Variants in TULP4 observed in about 807,000 individuals in gnomAD.
TULP4 encodes tubby-related protein 4.
Under a neutral mutation model 129.0 loss-of-function variants are expected in TULP4, and 16 were observed. The ratio of observed to expected loss-of-function variants is 0.12; its 90% confidence interval spans 0.08 to 0.19. TULP4 has a LOEUF of 0.19. TULP4 is among the 10% of genes least tolerant of loss of function. The pLI is 1.00. For synonymous variants in TULP4, 998 were observed against 854.0 expected, an observed-to-expected ratio of 1.17 and a Z score of -2.94; for missense variants, 1,842 against 2,059.1, an observed-to-expected ratio of 0.89 and a Z score of 2.04.
At chr6:158,280,954 A>G (rs993602194), upstream of TULP4, among the ~76,000 whole-genome samples, 1 of 152,218 alleles carries the variant, frequency 6.6e-6, no homozygotes, top group Non-Finnish European at 1.5e-5. Flanking sequence ...TTAAAAAGAA[A>G]TGAATAGCAG....
intron 1 of TULP4, among the ~76,000 whole-genome samples, chr6:158,378,485 T>TTTTTTTGTTTTG (rs1554285635): frequency 1.9e-5 from 1 of 51,288 alleles, no homozygotes; most frequent in Non-Finnish European, 3.9e-5. Flanking sequence ...TTTTTTTTTT[T>TTTTTTTGTTTTG]GGTGGGGGTG....
At position 158,260,343 on chromosome 6, in the gene TULP4, C is replaced by A. The variant is rs369261736; in HGVS notation, n.68+28040C>A. 2.6e-5 allele frequency among the ~76,000 whole-genome samples: 4 copies of A among 152,134 alleles called. 1 individual carries two copies. In the South Asian group the frequency reaches 8.3e-4, roughly 31 times the overall value. On this transcript the variant is annotated intron_variant and non_coding_transcript_variant, in intron 1 of 1. Transcript: ENST00000620026. ...GATTTAGATAAAACTTGGGTTCTTG[C>A]AGGAAGTTTCTGAGGATATTAAGAT...
intron 1 of TULP4, among the ~76,000 whole-genome samples, chr6:158,336,460 T>C (rs1294289375): frequency 6.6e-6 from 1 of 152,210 alleles, no homozygotes. Context: ...CAGTCTCTTA[T>C]TGCGCTGGAT....
intron 1 of TULP4, among the ~76,000 whole-genome samples, chr6:158,274,634 G>C (rs556059940): frequency 6.6e-6 from 1 of 152,222 alleles, no homozygotes; most frequent in Non-Finnish European, 1.5e-5. Context: ...AAAATCAGCC[G>C]GGTGTGGTGG....
At chr6:158,341,520 T>C (rs1367021248) in intron 1 of TULP4, among the ~76,000 whole-genome samples, 1 of 152,210 alleles carries the variant, frequency 6.6e-6, no homozygotes, top group Non-Finnish European at 1.5e-5. Flanking sequence ...ATACTAAACG[T>C]TCCGTCCAAC....
intron 8 of TULP4, among the ~76,000 whole-genome samples, chr6:158,488,182 T>C (rs192523149): frequency 6.6e-6 from 1 of 152,128 alleles, no homozygotes; most frequent in Non-Finnish European, 1.5e-5. Context: ...CTGGCATTGA[T>C]GAGTGAGTCA....
chr6:158,445,662 C>A (rs1444336535), intron 3 of TULP4, among the ~76,000 whole-genome samples: 1 of 152,134 alleles, frequency 6.6e-6, no homozygotes, highest in African/African-American at 2.4e-5. Flanking sequence ...TGAGCACCTG[C>A]CATGAACCAG....
intron 1 of TULP4, among the ~76,000 whole-genome samples, chr6:158,234,563 G>A (rs909643458): frequency 4.6e-5 from 7 of 152,190 alleles, no homozygotes; most frequent in African/African-American, 1.7e-4. Context: ...ACAATCTCCT[G>A]GAGAGAGTGA....
At chr6:158,280,515 T>C (rs1382138569), upstream of TULP4, among the ~76,000 whole-genome samples, 1 of 152,268 alleles carries the variant, frequency 6.6e-6, no homozygotes, top group African/African-American at 2.4e-5. Context: ...AAGTGCCTCA[T>C]GCCAAAGGAG....
In TULP4 at chr6:158,493,740, C is replaced by A; in HGVS notation, c.1776+23C>A. ...CAGGTAGGAGCCCCCAGTTACCCTG[C>A]CTTGCTCCCCTCCTCCTGGGGGCTA... On this transcript the variant is annotated intron_variant, in intron 10 of 13. Transcript: ENST00000367097. The surrounding 1 kb of genome is among the most constrained non-coding windows in gnomAD (Gnocchi z 4.4). The A allele has an allele frequency of 2.6e-6, 4 of 1,520,650 alleles. No homozygotes were observed. The highest frequency in any genetic ancestry group is 3.5e-6 in the Non-Finnish European group (4 of 1,132,918). The allele number at this position is 1,520,650 out of a possible 1,614,324, so 94.2% of individuals were successfully genotyped here. A position where few individuals can be genotyped will look rare whatever the true frequency, so the allele number is the denominator to read the frequency against.
intron 5 of TULP4, among the ~76,000 whole-genome samples, chr6:158,459,386 C>T (rs541361732): frequency 2.8e-4 from 43 of 151,730 alleles, no homozygotes; most frequent in Middle Eastern, 6.8e-3. Context: ...GCCGAGATCG[C>T]GCCATTGTAC....
At chr6:158,463,867 C>G (rs978475792) in intron 6 of TULP4, among the ~76,000 whole-genome samples, 10 of 151,898 alleles carry the variant, frequency 6.6e-5, no homozygotes, top group Admixed American at 2.6e-4. Context: ...ATCGTCTTAA[C>G]CATTTTTAAG....
rs111388122 is a variant in TULP4 at position 158,479,552 on chromosome 6, C to T, written c.1027-199C>T. Among the ~76,000 whole-genome samples, 74 of 152,290 alleles carry T rather than the reference C, an allele frequency of 4.9e-4. 1 individual carries two copies. Among genetic ancestry groups the T allele is most frequent in the African/African-American group, 1.8e-3 (73 of 41,566 alleles). ...TGCTGAGATGACAGCCTTATGCCAC[C>T]ATGCCCAGCCCTCTAGCCAATTTTC... On this transcript the variant is annotated intron_variant, in intron 6 of 13. Coordinates refer to ENST00000367097, the MANE Select transcript of TULP4 (RefSeq NM_020245.5).
chr6:158,500,842 A>G (rs1270920488), intron 12 of TULP4, among the ~76,000 whole-genome samples: 1 of 152,234 alleles, frequency 6.6e-6, no homozygotes, highest in Non-Finnish European at 1.5e-5. Flanking sequence ...AGGTGGGTGG[A>G]TCACCTGAGG....
At chr6:158,496,740 T>A (rs1039873756) in intron 11 of TULP4, among the ~76,000 whole-genome samples, 1 of 152,168 alleles carries the variant, frequency 6.6e-6, no homozygotes, top group African/African-American at 2.4e-5. Context: ...AAGTGAGAAT[T>A]TACTAAATGG....
At position 158,501,974 on chromosome 6, in the gene TULP4, C is replaced by A. The variant is rs1291063349; in HGVS notation, c.2311C>A (p.Pro771Thr). The change falls in exon 13 of 14, where the codon CCT becomes ACT. Residue 771 changes from proline to threonine, a missense_variant. By Grantham distance (38) the Pro-to-Thr change is conservative. Coordinates refer to ENST00000367097, the MANE Select transcript of TULP4 (RefSeq NM_020245.5). ...VEMGRIIQNP[P>T]PLSLPPPPQG... ...AATGGGCCGCATCATTCAGAACCCC[C>A]CTCCACTGTCCCTGCCTCCCCCGCC... is the stretch of plus-strand genomic sequence containing the variant. 1 of 1,613,680 alleles carries A rather than the reference C, an allele frequency of 6.2e-7. No homozygotes were observed. Among genetic ancestry groups the A allele is most frequent in the Non-Finnish European group, 8.5e-7 (1 of 1,179,960 alleles).
rs535683021 is a variant in TULP4 at position 158,253,757 on chromosome 6, G to A, written n.68+21454G>A. Among the ~76,000 whole-genome samples, 26 of 152,238 alleles carry A rather than the reference G, an allele frequency of 1.7e-4. 1 individual carries two copies. In the South Asian group the frequency reaches 3.7e-3, roughly 22 times the overall value. ...TTCCATATAGAAGACAGAATGTGCC[G>A]AGCATGGTGGCTCATGCCTTTAATC... On this transcript the variant is annotated intron_variant and non_coding_transcript_variant, in intron 1 of 1. Coordinates refer to the TULP4 transcript ENST00000620026.
chr6:158,279,256 G>A (rs185008951), upstream of TULP4, among the ~76,000 whole-genome samples: 216 of 152,186 alleles, frequency 1.4e-3, 1 homozygote, highest in African/African-American at 4.6e-3. Context: ...TATAGTTTTT[G>A]AAAATGTAGA....
At position 158,461,315 on chromosome 6, in the gene TULP4, G is replaced by A. The variant is rs548108189; in HGVS notation, c.860-248G>A. Among the ~76,000 whole-genome samples, 23 of 152,052 alleles carry A rather than the reference G, an allele frequency of 1.5e-4. No homozygotes were observed. In the East Asian group the frequency reaches 4.1e-3, roughly 27 times the overall value. On this transcript the variant is annotated intron_variant, in intron 5 of 13. Coordinates refer to ENST00000367097, the MANE Select transcript of TULP4 (RefSeq NM_020245.5). Reference sequence around the variant, plus strand: ...AGTCCCAGCTACTCGGGAGGCTGAGGCAGGAGAATCGCTTGAACCCAGGAG... The same window carrying A: ...AGTCCCAGCTACTCGGGAGGCTGAGACAGGAGAATCGCTTGAACCCAGGAG...
Sources: gnomAD v4.1 joint callset for allele counts (sites outside exome capture counted in the v4.1 genomes callset) on GRCh38, gnomAD v4.1.1 for gene constraint, Gnocchi (gnomAD v3.1) non-coding constraint, MANE v1.5 for transcripts, NCBI Gene and HGNC (gene_info 2026-07-23, HGNC 2026-07-21) for gene names.